The following CEACAM6 variants were observed in gnomAD, a reference collection of about 807,000 sequenced individuals.
The protein encoded by CEACAM6 is cell adhesion molecule CEACAM6.
In CEACAM6, 21 loss-of-function variants were observed where a neutral mutation model predicts 32.4. The observed-to-expected ratio is 0.65, with a 90% confidence interval of 0.46 to 0.93. The LOEUF is 0.93. Among genes scored for constraint, CEACAM6 ranks in the 40% least tolerant of loss-of-function variants. CEACAM6 has a pLI of 0.00. For synonymous variants in CEACAM6, 184 were observed against 174.4 expected, an observed-to-expected ratio of 1.06 and a Z score of -0.43; for missense variants, 406 against 432.2, an observed-to-expected ratio of 0.94 and a Z score of 0.54.
rs1302324638 is a variant in CEACAM6 at position 41,761,837 on chromosome 19, G to C, written c.704-132G>C. On this transcript the variant is annotated intron_variant, in intron 3 of 5. Coordinates refer to ENST00000199764, the MANE Select transcript of CEACAM6 (RefSeq NM_002483.7). ...GAATGTCTCAGACTTTGGCTCAGGG[G>C]ACATAGCGGGGGTTTGGTTGAGACT... 5.9e-6 allele frequency: 7 copies of C among 1,193,790 alleles called. No individual in the cohort carries two copies. The African/African-American group carries it at 1.1e-4, about 18-fold the overall frequency. The allele number at this position is 1,193,790 out of a possible 1,614,324, so 73.9% of individuals were successfully genotyped here.
chr19:41,765,064 C>T (rs1254874635), intron 4 of CEACAM6, among the ~76,000 whole-genome samples: 2 of 152,164 alleles, frequency 1.3e-5, no homozygotes, highest in Admixed American at 1.3e-4. Context: ...CAAAGAAAAG[C>T]TTCACAAATA....
At position 41,762,124 on chromosome 19, in the gene CEACAM6, C is replaced by A; in HGVS notation, c.859C>A (p.Pro287Thr). 1 of 1,614,162 alleles carries A rather than the reference C, an allele frequency of 6.2e-7. No homozygotes were observed. Residue 287 changes from proline to threonine, a missense_variant, in exon 4 of 6, where the codon CCC (proline) becomes ACC (threonine). By Grantham distance (38) the Pro-to-Thr change is conservative. Coordinates refer to ENST00000199764, the MANE Select transcript of CEACAM6 (RefSeq NM_002483.7). ...GCAATCCACACAAGAGCTCTTTATC[C>A]CCAACATCACTGTGAATAATAGCGG... ...FQQSTQELFIPNITVNNSGSY... is the reference protein window; with the variant it reads ...FQQSTQELFITNITVNNSGSY...
chr19:41,755,599 C>G lies in CEACAM6; in HGVS notation c.-40C>G. 1 of 1,601,184 alleles carries G rather than the reference C, an allele frequency of 6.2e-7. No homozygotes were observed. Among genetic ancestry groups the G allele is most frequent in the South Asian group, 1.1e-5 (1 of 90,718 alleles). On this transcript the variant is annotated 5_prime_UTR_variant, in exon 1 of 6. Coordinates refer to ENST00000199764, the MANE Select transcript of CEACAM6 (RefSeq NM_002483.7). The stretch of plus-strand genomic sequence containing the variant: ...GACCAGAGCATTCCTGGAGCTCAAG[C>G]TCCTCTACAAAGAGGTGGACAGAGA...
In CEACAM6 at chr19:41,756,729, A is replaced by G. The variant is rs1555821135; in HGVS notation, c.194A>G (p.Tyr65Cys). Reference protein sequence around the residue: ...AHNLPQNRIGYSWYKGERVDG... With the variant: ...AHNLPQNRIGCSWYKGERVDG... ...AACCTGCCCCAGAATCGTATTGGTT[A>G]CAGCTGGTACAAAGGCGAAAGAGTG... Residue 65 changes from tyrosine to cysteine, a missense_variant, in exon 2 of 6, where the codon TAC (tyrosine) becomes TGC (cysteine). Physicochemically the swap from Tyr to Cys is radical, Grantham distance 194 (BLOSUM62 -2). Transcript: ENST00000199764. 6.2e-7 allele frequency: 1 copy of G among 1,614,074 alleles called. No individual in the cohort carries two copies. Among genetic ancestry groups the G allele is most frequent in the Non-Finnish European group, 8.5e-7 (1 of 1,179,994 alleles).
intron 2 of CEACAM6, among the ~76,000 whole-genome samples, chr19:41,759,627 C>T (rs143844502): frequency 1.3e-5 from 2 of 152,276 alleles, no homozygotes; most frequent in East Asian, 3.9e-4. Flanking sequence ...CAATATGATC[C>T]TGCTGGAATT....
At chr19:41,761,679 G>T in intron 3 of CEACAM6, 152 bp downstream of exon 3, 1 of 1,352,884 alleles carries the variant, frequency 7.4e-7, no homozygotes. Flanking sequence ...GGGCAGACCA[G>T]GCCTTGACCA....
At chr19:41,769,972 A>T (rs905123805) in intron 5 of CEACAM6, among the ~76,000 whole-genome samples, 4 of 151,272 alleles carry the variant, frequency 2.6e-5, no homozygotes, top group Admixed American at 6.6e-5. Context: ...TTTGATTGGG[A>T]TGTTATATTT....
intron 1 of CEACAM6, among the ~76,000 whole-genome samples, chr19:41,755,961 A>G (rs1288573791): frequency 6.6e-6 from 1 of 152,246 alleles, no homozygotes; most frequent in Non-Finnish European, 1.5e-5. Flanking sequence ...AAGAAAAATG[A>G]TAGAAATCAG....
At chr19:41,768,677 C>T (rs8104892) in intron 5 of CEACAM6, among the ~76,000 whole-genome samples, 64,767 of 143,700 alleles carry the variant, frequency 0.45, 12,225 homozygotes, top group Middle Eastern at 0.56. Context: ...TAGGGGCGGC[C>T]GGGCAGAGGC....
rs559254485 is a variant in CEACAM6, at chr19:41,761,376, C to T, written c.552C>T (p.Ser184=). The part of the protein sequence containing the change: ...TTYLWWVNGQ[S]LPVSPRLQLS... The stretch of plus-strand genomic sequence containing the variant: ...ACCTGTGGTGGGTAAATGGTCAGAG[C>T]CTCCCGGTCAGTCCCAGGCTGCAGC... Residue 184 remains serine, a synonymous_variant, in exon 3 of 6, where the codon AGC becomes AGT. Transcript: ENST00000199764. 28 of 1,614,196 alleles carry T rather than the reference C, an allele frequency of 1.7e-5. No homozygotes were observed. In the East Asian group the frequency reaches 2.5e-4, roughly 14 times the overall value.
chr19:41,768,304 A>G (rs1555822570), intron 5 of CEACAM6, among the ~76,000 whole-genome samples: 1 of 152,184 alleles, frequency 6.6e-6, no homozygotes, highest in Non-Finnish European at 1.5e-5. Flanking sequence ...GATGACTCTT[A>G]ACGAGCATGC....
chr19:41,768,220 G>C (rs1555822557), intron 5 of CEACAM6, among the ~76,000 whole-genome samples: 4 of 152,162 alleles, frequency 2.6e-5, no homozygotes, highest in Non-Finnish European at 5.9e-5. Flanking sequence ...AAAGGTCTCT[G>C]GTTTTCCTAG....
rs782764402 is a variant in CEACAM6 at position 41,766,185 on chromosome 19, A to G, written c.961A>G (p.Ser321Gly). ...TTVTMITVSG[S>G]APVLSAVATV... is the part of the protein sequence containing the mutation. ...TCCTTCTCTCTTCTTCCCACAAGGA[A>G]GTGCTCCTGTCCTCTCAGCTGTGGC... Residue 321 changes from serine (S) to glycine (G), a missense_variant and splice_region_variant, in exon 5 of 6, where the codon AGT (serine) becomes GGT (glycine). Physicochemically the swap from Ser to Gly is moderately conservative, Grantham distance 56. Coordinates refer to ENST00000199764, the MANE Select transcript of CEACAM6 (RefSeq NM_002483.7). The G allele has an allele frequency of 6.2e-7, 1 of 1,602,050 alleles. No homozygotes were observed. Among genetic ancestry groups the G allele is most frequent in the Admixed American group, 1.7e-5 (1 of 58,070 alleles).
chr19:41,764,113 T>A (rs1206195460), intron 4 of CEACAM6, among the ~76,000 whole-genome samples: 2 of 152,226 alleles, frequency 1.3e-5, no homozygotes, highest in African/African-American at 4.8e-5. Flanking sequence ...GAATGTTGAA[T>A]TTTGTCAAAT....
At chr19:41,759,942 A>G (rs1360242755) in intron 2 of CEACAM6, among the ~76,000 whole-genome samples, 1 of 152,200 alleles carries the variant, frequency 6.6e-6, no homozygotes, top group Non-Finnish European at 1.5e-5. Flanking sequence ...TGCTCACTGG[A>G]GCATTTTAGA....
At chr19:41,761,153 G>A (rs1383464283) in intron 2 of CEACAM6, 96 bp from the exon 3 acceptor site, 2 of 1,587,506 alleles carry the variant, frequency 1.3e-6, no homozygotes, top group African/African-American at 1.3e-5. Context: ...GACTCAAGGG[G>A]GCTGAGAGGT....
chr19:41,757,016 G>A (rs903671379), intron 2 of CEACAM6, 57 bp downstream of exon 2: 18 of 1,555,206 alleles, frequency 1.2e-5, no homozygotes, highest in Admixed American at 9.3e-5. Flanking sequence ...TCCCACATAC[G>A]GGATTGTCAG....
At position 41,756,842 on chromosome 19, in the gene CEACAM6, C is replaced by A. The variant is rs781957174; in HGVS notation, c.307C>A (p.Pro103Thr). The A allele has an allele frequency of 1.5e-5, 25 of 1,614,062 alleles. No homozygotes were observed. Among genetic ancestry groups the A allele is most frequent in the Admixed American group, 1.3e-4 (8 of 60,016 alleles). The change falls in exon 2 of 6, where the codon CCC becomes ACC. Residue 103 changes from proline (P) to threonine (T), a missense_variant. Coordinates refer to ENST00000199764, the MANE Select transcript of CEACAM6 (RefSeq NM_002483.7). ...PAYSGRETIY[P>T]NASLLIQNVT... The stretch of plus-strand genomic sequence containing the variant: ...ATACAGTGGTCGAGAGACAATATAC[C>A]CCAATGCATCCCTGCTGATCCAGAA...
At position 41,769,974 on chromosome 19, in the gene CEACAM6, GTTATATTTGGGAA is replaced by G. The variant is rs1294681016; in HGVS notation, c.*41-826_*41-814del. On this transcript the variant is annotated intron_variant, in intron 5 of 5. Transcript: ENST00000199764. ...ATATTACCCAGGCTTTGATTGGGAT[GTTATATTTGGGAA>G]TATACATAGATGAACCCATAGGCAC... 5.9e-5 allele frequency among the ~76,000 whole-genome samples: 9 copies of G among 151,352 alleles called. No individual in the cohort carries two copies. The East Asian group carries it at 1.5e-3, about 26-fold the overall frequency.
Sources: gnomAD v4.1 joint callset for allele counts (sites outside exome capture counted in the v4.1 genomes callset) on GRCh38, gnomAD v4.1.1 for gene constraint, MANE v1.5 for transcripts, NCBI Gene and HGNC (gene_info 2026-07-23, HGNC 2026-07-21) for gene names.